Variants in TMPRSS7 observed in about 807,000 individuals in gnomAD.
The protein encoded by TMPRSS7 is transmembrane protease serine 7.
Under a neutral mutation model 95.6 loss-of-function variants are expected in TMPRSS7, and 81 were observed. The ratio of observed to expected loss-of-function variants is 0.85; its 90% CI spans 0.71 to 1.02. The LOEUF (loss-of-function observed/expected upper bound fraction) is 1.02, where lower values mean the gene tolerates loss of function less well. Ranked by LOEUF, TMPRSS7 falls within the 50% of genes least tolerant of loss-of-function variation. The pLI, the probability that TMPRSS7 is intolerant of heterozygous loss-of-function variation, is 0.00. For missense variants in TMPRSS7, 945 were observed against 955.2 expected, an observed-to-expected ratio of 0.99 and a Z score of 0.14; for synonymous variants, 364 against 337.8, an observed-to-expected ratio of 1.08 and a Z score of -0.85.
chr3:112,043,871 G>T (rs976302921), intron 3 of TMPRSS7, among the ~76,000 whole-genome samples: 4 of 152,192 alleles, frequency 2.6e-5, no homozygotes, highest in African/African-American at 7.2e-5. Flanking sequence ...TATGGTCGAC[G>T]CTGGTGCACT....
At chr3:112,050,741 G>A (rs755021614) in exon 9 of TMPRSS7, 24 of 1,603,182 alleles carry the variant, frequency 1.5e-5, no homozygotes, top group Admixed American at 6.9e-5. Context: ...CATATTACCC[G>A]AGCTACTATC....
At chr3:112,076,893 C>A in exon 16 of TMPRSS7, 1 of 1,614,052 alleles carries the variant, frequency 6.2e-7, no homozygotes, top group Non-Finnish European at 8.5e-7. Context: ...GATCCCACAC[C>A]ATGGACTGCA....
At chr3:112,077,294 T>C in intron 16 of TMPRSS7, 150 bp downstream of exon 16, 2 of 838,964 alleles carry the variant, frequency 2.4e-6, no homozygotes, top group Non-Finnish European at 3.7e-6. Context: ...AGGAGGGTAC[T>C]GTTATTTCTT....
intron 1 of TMPRSS7, among the ~76,000 whole-genome samples, chr3:112,036,579 A>T (rs950896138): frequency 2.0e-5 from 3 of 151,294 alleles, no homozygotes; most frequent in African/African-American, 7.3e-5. Flanking sequence ...AAAAAAAAAA[A>T]GGAGGGGGGA....
intron 10 of TMPRSS7, among the ~76,000 whole-genome samples, chr3:112,059,802 C>T (rs1406935190): frequency 6.6e-6 from 1 of 152,208 alleles, no homozygotes; most frequent in Non-Finnish European, 1.5e-5. Flanking sequence ...TGCTTTCCTC[C>T]TTTAATCCTT....
chr3:112,060,168 A>G lies in TMPRSS7; in HGVS notation c.1311-1619A>G, dbSNP rs190165933. ...AGTGTACGAATAGGGTGTGGGTCAC[A>G]GAGATCATGTACTTCACAAGGTAAT... On this transcript the variant is annotated intron_variant, in intron 10 of 17. Transcript: ENST00000452346. Among the ~76,000 whole-genome samples the G allele has an allele frequency of 1.1e-3, 160 of 152,360 alleles. 2 individuals carry two copies. The highest frequency in any genetic ancestry group is 3.8e-3 in the African/African-American group (156 of 41,584).
Position 112,047,043 on chromosome 3 carries a change from C to G in TMPRSS7, c.730+31C>G, listed in dbSNP as rs895748267. The G allele has an allele frequency of 1.0e-5, 7 of 701,130 alleles. No individual in the cohort carries two copies. In the East Asian group the frequency reaches 1.6e-4, roughly 16 times the overall value. The allele number at this position is 701,130 out of a possible 1,614,324, so 43.4% of individuals were successfully genotyped here. ...TTCTTTCATGTGGTTCCCCCTCCCC[C>G]CATGTTAATATTGTTTTTGGCTGTA... On this transcript the variant is annotated intron_variant, in intron 6 of 17. Transcript: ENST00000452346.
At chr3:112,047,115 C>T in intron 6 of TMPRSS7, 103 bp downstream of exon 6, 1 of 669,862 alleles carries the variant, frequency 1.5e-6, no homozygotes, top group Non-Finnish European at 2.7e-6. Context: ...CTTTTAATTG[C>T]AAGTGACAGA....
chr3:112,074,461 A>AGG (rs770145338), intron 14 of TMPRSS7, 49 bp downstream of exon 14: 3 of 1,417,478 alleles, frequency 2.1e-6, no homozygotes, highest in Non-Finnish European at 2.9e-6. Context: ...TCTTCAGTTT[A>AGG]CCTGTTTGTT....
At chr3:112,052,677 T>A (rs2073378165) in intron 9 of TMPRSS7, among the ~76,000 whole-genome samples, 1 of 152,092 alleles carries the variant, frequency 6.6e-6, no homozygotes, top group African/African-American at 2.4e-5. Context: ...TCTCCATTTC[T>A]TCAGTCTCTC....
chr3:112,046,045 T>C, intron 5 of TMPRSS7, 102 bp downstream of exon 5: 1 of 1,011,854 alleles, frequency 9.9e-7, no homozygotes, highest in Non-Finnish European at 1.4e-6. Flanking sequence ...AATGTGGGAT[T>C]ACCCCACAAT....
chr3:112,079,149 T>A (rs1235643056), intron 17 of TMPRSS7, among the ~76,000 whole-genome samples: 1 of 152,232 alleles, frequency 6.6e-6, no homozygotes, highest in Non-Finnish European at 1.5e-5. Flanking sequence ...CTGCCATAAT[T>A]TTCTTATAAC....
At chr3:112,075,573 A>G (rs1312836468) in intron 15 of TMPRSS7, 81 bp downstream of exon 15, 23 of 1,219,974 alleles carry the variant, frequency 1.9e-5, no homozygotes, top group African/African-American at 3.1e-5. Context: ...TGGGAAGCAG[A>G]TCCCTGTTGG....
chr3:112,066,440 C>T (rs879185965), exon 13 of TMPRSS7: 2 of 1,613,926 alleles, frequency 1.2e-6, no homozygotes, highest in Admixed American at 3.3e-5. Context: ...CAGCATGGCC[C>T]TCTCATCTGT....
chr3:112,079,603 C>G (rs2073754154), intron 17 of TMPRSS7, among the ~76,000 whole-genome samples: 1 of 152,106 alleles, frequency 6.6e-6, no homozygotes, highest in African/African-American at 2.4e-5. Context: ...GACAATTCTT[C>G]TTCCAGTGTG....
At chr3:112,063,410 T>TGAC (rs2073536995) in intron 11 of TMPRSS7, 115 bp from the exon 12 acceptor site, 1 of 738,406 alleles carries the variant, frequency 1.4e-6, no homozygotes, top group Non-Finnish European at 2.3e-6. Context: ...ATGTAATTAT[T>TGAC]ACTGCTACCC....
chr3:112,037,738 T>C (rs2073161233), intron 1 of TMPRSS7, among the ~76,000 whole-genome samples: 1 of 152,166 alleles, frequency 6.6e-6, no homozygotes. Context: ...AATTTCTCTC[T>C]TTTGTACTCT....
intron 16 of TMPRSS7, among the ~76,000 whole-genome samples, chr3:112,077,938 T>A (rs988782143): frequency 1.3e-5 from 2 of 152,206 alleles, no homozygotes; most frequent in Non-Finnish European, 2.9e-5. Context: ...TCTTTTGCCA[T>A]CCTTTTCAAG....
At chr3:112,054,115 A>G (rs1014455002) in intron 9 of TMPRSS7, among the ~76,000 whole-genome samples, 2 of 152,168 alleles carry the variant, frequency 1.3e-5, no homozygotes, top group African/African-American at 2.4e-5. Flanking sequence ...GGAAATATGC[A>G]AGCAGTTTTA....
Sources: gnomAD v4.1 joint callset for allele counts (sites outside exome capture counted in the v4.1 genomes callset) on GRCh38, gnomAD v4.1.1 for gene constraint, MANE v1.5 for transcripts, NCBI Gene and HGNC (gene_info 2026-07-23, HGNC 2026-07-21) for gene names.